RFX1: variants seen among roughly 807,000 people sequenced by gnomAD.
The protein encoded by RFX1 is regulatory factor X1.
A neutral mutation model predicts 119.6 loss-of-function variants in RFX1; 42 were observed. The observed-to-expected ratio is 0.35, with a 90% CI of 0.27 to 0.45. The LOEUF is 0.45. Ranked by LOEUF, RFX1 falls within the 20% of genes least tolerant of loss-of-function variation. The pLI, the probability that RFX1 is intolerant of heterozygous loss-of-function variation, is 1.00. For synonymous variants in RFX1, 628 were observed against 618.5 expected (o/e 1.02, Z -0.23); for missense variants, 1,118 against 1,368.1 (o/e 0.82, Z 2.88).
rs1973731541 is a variant in RFX1 at position 13,962,642 on chromosome 19, G to C, written c.*53C>G. The C allele has an allele frequency of 2.2e-6, 3 of 1,356,184 alleles. No homozygotes were observed. The East Asian group carries it at 8.7e-5, about 40-fold the overall frequency. 84.0% of individuals were successfully genotyped at this position (1,356,184 alleles called of 1,614,324 possible). ...ACCACGAAGCCACAGAAGCTTTGAG[G>C]GACCCTGGCGTGGAGGGGTGGCGGG... On this transcript the variant is annotated 3_prime_UTR_variant, in exon 21 of 21. Transcript: ENST00000254325.
chr19:14,000,414 G>A lies in RFX1; in HGVS notation c.-53+5689C>T, dbSNP rs147424393. ...GGCAGGAGGATCGCTTGAGTCTGGC[G>A]GGGCAGAGGTTGCAGTGAGCTGAGA... is the stretch of plus-strand genomic sequence containing the variant. On this transcript the variant is annotated intron_variant, in intron 1 of 20. Transcript: ENST00000254325. Among the ~76,000 whole-genome samples, 543 of 152,064 alleles carry A rather than the reference G, an allele frequency of 3.6e-3. 4 individuals are homozygous for A. The highest frequency in any genetic ancestry group is 0.013 in the African/African-American group (519 of 41,484).
chr19:13,983,241 G>T lies in RFX1; in HGVS notation c.459C>A (p.Ala153=). The part of the protein sequence containing the change: ...QRLLVQTSVQ[A]KPGHVSPLQL... The stretch of plus-strand genomic sequence containing the variant: ...GGAGGGGCGACACGTGGCCTGGCTT[G>T]GCCTGCACGCTCGTCTGGACCAGCA... The change falls in exon 4 of 21, where the codon GCC becomes GCA. Residue 153 remains alanine (A), a synonymous_variant. Coordinates refer to ENST00000254325, the MANE Select transcript of RFX1 (RefSeq NM_002918.5). 1 of 1,574,554 alleles carries T rather than the reference G, an allele frequency of 6.4e-7. No individual in the cohort carries two copies. Among genetic ancestry groups the T allele is most frequent in the East Asian group, 2.3e-5 (1 of 43,040 alleles).
intron 2 of RFX1, among the ~76,000 whole-genome samples, chr19:13,988,813 A>T (rs889080257): frequency 6.6e-6 from 1 of 152,162 alleles, no homozygotes; most frequent in Non-Finnish European, 1.5e-5. Context: ...TTGAGGTAAG[A>T]AGTTTGAGAC....
chr19:13,997,573 C>T (rs1270341475), intron 1 of RFX1, among the ~76,000 whole-genome samples: 2 of 152,238 alleles, frequency 1.3e-5, no homozygotes, highest in East Asian at 1.9e-4. Flanking sequence ...GCCCTGCCTG[C>T]TGCCTTCCAG....
chr19:14,000,046 A>G (rs1975164472), intron 1 of RFX1, among the ~76,000 whole-genome samples: 1 of 152,206 alleles, frequency 6.6e-6, no homozygotes, highest in African/African-American at 2.4e-5. Flanking sequence ...TCCCAAAGAT[A>G]TAGAAAGAAA....
rs191553965 is a variant in RFX1, at chr19:13,979,165, C to T, written c.834+282G>A. Among the ~76,000 whole-genome samples the T allele has an allele frequency of 3.6e-3, 550 of 152,262 alleles. 4 individuals are homozygous for T. The highest frequency in any genetic ancestry group is 0.013 in the African/African-American group (525 of 41,554). ...CCTCCACCCACCGGGTTGCTGAGCG[C>T]GCACGCAGCCACCCGAGGGAAGATC... On this transcript the variant is annotated intron_variant, in intron 7 of 20. Transcript: ENST00000254325.
intron 7 of RFX1, among the ~76,000 whole-genome samples, chr19:13,978,739 C>G (rs1411588650): frequency 6.6e-6 from 1 of 152,116 alleles, no homozygotes; most frequent in Non-Finnish European, 1.5e-5. Context: ...GCCCGTGCGT[C>G]CGCCACCTAC....
intron 4 of RFX1, 55 bp downstream of exon 4, chr19:13,983,132 G>C: frequency 1.5e-6 from 2 of 1,321,166 alleles, no homozygotes; most frequent in East Asian, 2.5e-5. Flanking sequence ...ACAGGGGGTT[G>C]GTCCTCCACC....
At position 13,970,203 on chromosome 19, in the gene RFX1, C is replaced by A. The variant is rs758669436; in HGVS notation, c.1315-28G>T. Reference sequence around the variant, plus strand: ...GGGGTGGGAGGGAGATGGGAGAGCACCAGTCAGAGGCGCTTCCGTCATCTC... The same window carrying A: ...GGGGTGGGAGGGAGATGGGAGAGCAACAGTCAGAGGCGCTTCCGTCATCTC... On this transcript the variant is annotated intron_variant, in intron 9 of 20. Transcript: ENST00000254325. The A allele has an allele frequency of 3.8e-6, 6 of 1,569,578 alleles. No homozygotes were observed. The South Asian group carries it at 7.0e-5, about 18-fold the overall frequency.
chr19:13,993,873 A>T lies in RFX1; in HGVS notation c.-30T>A. The T allele has an allele frequency of 6.8e-7, 1 of 1,462,506 alleles. No homozygotes were observed. The highest frequency in any genetic ancestry group is 1.5e-5 in the African/African-American group (1 of 65,718). The allele number at this position is 1,462,506 out of a possible 1,614,324, so 90.6% of individuals were successfully genotyped here. On this transcript the variant is annotated 5_prime_UTR_variant, in exon 2 of 21. Transcript: ENST00000254325. ...ACGGTGGGGAAAATGATAATAAATAAGGCTTTTTTTTTTTTTTAATTCCTT... is the reference window on the plus strand; with the variant it reads ...ACGGTGGGGAAAATGATAATAAATATGGCTTTTTTTTTTTTTTAATTCCTT...
Position 13,963,593 on chromosome 19 carries a change from T to G in RFX1, c.2515A>C (p.Ser839Arg). The G allele has an allele frequency of 1.2e-6, 2 of 1,605,034 alleles. No individual in the cohort carries two copies. The highest frequency in any genetic ancestry group is 2.2e-5 in the South Asian group (2 of 90,926). ...VSQVLKPYQG[S>R]AGFPKAAKLF... ...TTGGCGGCCTTGGGGAAGCCGGCGC[T>G]GCCCTGGTAGGGCTTGAGCACCTGG... The change falls in exon 18 of 21, where the codon AGC becomes CGC. Residue 839 changes from serine (S) to arginine (R), a missense_variant. Physicochemically the swap from Ser to Arg is moderately radical, Grantham distance 110. Coordinates refer to ENST00000254325, the MANE Select transcript of RFX1 (RefSeq NM_002918.5).
In RFX1 at chr19:13,990,252, G is replaced by C. The variant is rs928997850; in HGVS notation, c.319+3273C>G. 4.6e-5 allele frequency among the ~76,000 whole-genome samples: 7 copies of C among 152,142 alleles called. No individual in the cohort carries two copies. Among genetic ancestry groups the C allele is most frequent in the African/African-American group, 1.7e-4 (7 of 41,436 alleles). On this transcript the variant is annotated intron_variant, in intron 2 of 20. Coordinates refer to ENST00000254325, the MANE Select transcript of RFX1 (RefSeq NM_002918.5). The surrounding 1 kb of genome is among the most constrained non-coding windows in gnomAD (Gnocchi z 4.1). Reference sequence around the variant, plus strand: ...GTCAGGGAGATGGGGAGAAGCAGCAGAGAGGACCACGGAGGGGCTGCGGGC... The same window carrying C: ...GTCAGGGAGATGGGGAGAAGCAGCACAGAGGACCACGGAGGGGCTGCGGGC...
intron 2 of RFX1, among the ~76,000 whole-genome samples, chr19:13,989,555 C>A (rs150683525): frequency 1.4e-5 from 2 of 141,336 alleles, no homozygotes; most frequent in Non-Finnish European, 3.0e-5. Flanking sequence ...GAGAGAGAGA[C>A]AGACAGACAG....
In RFX1 at chr19:13,965,567, C is replaced by T. The variant is rs144621262; in HGVS notation, c.2114-21G>A. Reference sequence around the variant, plus strand: ...GGCACCTGTGGGCGGTGGCGGGGGTCGGTCAGGGCAGGGCGGGTGTATGTG... The same window carrying T: ...GGCACCTGTGGGCGGTGGCGGGGGTTGGTCAGGGCAGGGCGGGTGTATGTG... On this transcript the variant is annotated intron_variant, in intron 15 of 20. Coordinates refer to ENST00000254325, the MANE Select transcript of RFX1 (RefSeq NM_002918.5). This position sits in a 1 kb window ranked among gnomAD's most constrained non-coding sequence, Gnocchi z 4.7. 91 of 1,577,286 alleles carry T rather than the reference C, an allele frequency of 5.8e-5. No individual in the cohort carries two copies. Among genetic ancestry groups the T allele is most frequent in the Middle Eastern group, 5.1e-4 (3 of 5,908 alleles).
intron 16 of RFX1, among the ~76,000 whole-genome samples, chr19:13,964,930 T>G (rs1973843975): frequency 6.6e-6 from 1 of 152,256 alleles, no homozygotes; most frequent in Non-Finnish European, 1.5e-5. Context: ...CTCCTGGATC[T>G]GGCATCTACT....
In RFX1 at chr19:13,965,584, G is replaced by T; in HGVS notation, c.2114-38C>A. Reference sequence around the variant, plus strand: ...GCGGGGGTCGGTCAGGGCAGGGCGGGTGTATGTGGGGCAGGGGATGCCGAG... The same window carrying T: ...GCGGGGGTCGGTCAGGGCAGGGCGGTTGTATGTGGGGCAGGGGATGCCGAG... On this transcript the variant is annotated intron_variant, in intron 15 of 20. Transcript: ENST00000254325. The surrounding 1 kb of genome is among the most constrained non-coding windows in gnomAD (Gnocchi z 4.7). 1 of 1,612,314 alleles carries T rather than the reference G, an allele frequency of 6.2e-7. No individual in the cohort carries two copies. Among genetic ancestry groups the T allele is most frequent in the Non-Finnish European group, 8.5e-7 (1 of 1,179,414 alleles).
intron 1 of RFX1, among the ~76,000 whole-genome samples, chr19:14,003,872 C>T (rs1221044571): frequency 6.6e-6 from 1 of 152,164 alleles, no homozygotes; most frequent in Non-Finnish European, 1.5e-5. Flanking sequence ...AGGCAGTCAA[C>T]ATGACCAGAT....
In RFX1 at chr19:13,993,665, C is replaced by G. The variant is rs766955909; in HGVS notation, c.179G>C (p.Ser60Thr). 8.1e-6 allele frequency: 13 copies of G among 1,595,530 alleles called. No homozygotes were observed. The African/African-American group carries it at 1.8e-4, about 22-fold the overall frequency. ...PQPQYVTELQ[S>T]PQPQAQPPGG... ...CGGTGGCTGTGCCTGGGGCTGGGGGCTCTGCAGCTCGGTGACATATTGGGG... is the reference window on the plus strand; with the variant it reads ...CGGTGGCTGTGCCTGGGGCTGGGGGGTCTGCAGCTCGGTGACATATTGGGG... Residue 60 changes from serine to threonine, a missense_variant, in exon 2 of 21, where the codon AGC becomes ACC. Coordinates refer to ENST00000254325, the MANE Select transcript of RFX1 (RefSeq NM_002918.5).
At position 13,966,890 on chromosome 19, in the gene RFX1, G is replaced by A; in HGVS notation, c.1733-139C>T. ...CAACGCTAGGTGGGGTGAGCGCCTG[G>A]CCCGGGCCCAGGACGGGCCCAGGAG... On this transcript the variant is annotated intron_variant, in intron 12 of 20. Coordinates refer to ENST00000254325, the MANE Select transcript of RFX1 (RefSeq NM_002918.5). The surrounding 1 kb of genome is among the most constrained non-coding windows in gnomAD (Gnocchi z 6.3). 1.7e-6 allele frequency: 1 copy of A among 589,990 alleles called. No individual in the cohort carries two copies. The highest frequency in any genetic ancestry group is 3.0e-6 in the Non-Finnish European group (1 of 338,736). The allele number at this position is 589,990 out of a possible 1,614,324, so 36.5% of individuals were successfully genotyped here.
Sources: allele counts gnomAD v4.1 joint callset (sites outside exome capture counted in the v4.1 genomes callset), GRCh38; gene constraint gnomAD v4.1.1; non-coding constraint Gnocchi (gnomAD v3.1); transcripts MANE v1.5; gene names NCBI Gene and HGNC (gene_info 2026-07-23, HGNC 2026-07-21).